The following UXS1 variants were observed in gnomAD, a reference collection of about 807,000 sequenced individuals.
UXS1 encodes UDP-glucuronic acid decarboxylase 1.
In UXS1, 33 loss-of-function variants were observed where a neutral mutation model predicts 62.6. The ratio of observed to expected loss-of-function variants is 0.53; its 90% CI spans 0.40 to 0.70. UXS1 has a LOEUF of 0.70. UXS1 is among the 30% of genes least tolerant of loss of function. The pLI is 0.00. For missense variants in UXS1, 434 were observed against 556.3 expected, an observed-to-expected ratio of 0.78 and a Z score of 2.21; for synonymous variants, 213 against 206.8, an observed-to-expected ratio of 1.03 and a Z score of -0.26.
At chr2:106,124,606 G>A (rs1323852472) in intron 8 of UXS1, among the ~76,000 whole-genome samples, 1 of 152,190 alleles carries the variant, frequency 6.6e-6, no homozygotes, top group Non-Finnish European at 1.5e-5. Flanking sequence ...AAGGAACACA[G>A]GCTCCTGTCA....
At chr2:106,174,037 G>C (rs3860451) in intron 1 of UXS1, among the ~76,000 whole-genome samples, 148,046 of 151,124 alleles carry the variant, frequency 0.98, 72,575 homozygotes, top group South Asian at 1. Context: ...CGTGAAGATG[G>C]CTGTGGGATG....
chr2:106,175,242 G>A (rs1467097230), intron 1 of UXS1, among the ~76,000 whole-genome samples: 1 of 152,222 alleles, frequency 6.6e-6, no homozygotes, highest in Admixed American at 6.5e-5. Context: ...ATTATTGGCA[G>A]AGAAAGTTCC....
chr2:106,129,826 A>T, intron 6 of UXS1, 48 bp from the exon 7 acceptor site: 4 of 1,258,414 alleles, frequency 3.2e-6, no homozygotes, highest in Non-Finnish European at 4.5e-6. Context: ...AGCACCAAAA[A>T]AATACTGACC....
intron 2 of UXS1, among the ~76,000 whole-genome samples, chr2:106,165,476 T>C (rs1317141591): frequency 1.3e-5 from 2 of 152,134 alleles, no homozygotes; most frequent in Non-Finnish European, 2.9e-5. Flanking sequence ...TACCAAATGG[T>C]TTTTACAATA....
intron 6 of UXS1, among the ~76,000 whole-genome samples, chr2:106,141,318 T>C (rs1032855361): frequency 5.9e-5 from 9 of 152,188 alleles, no homozygotes; most frequent in African/African-American, 2.2e-4. Context: ...GGGAGAACTA[T>C]AAATACCTAT....
chr2:106,093,978 A>T lies in UXS1; in HGVS notation c.*48T>A, dbSNP rs750718890. 3.3e-6 allele frequency: 5 copies of T among 1,500,244 alleles called. No individual in the cohort carries two copies. In the East Asian group the frequency reaches 1.3e-4, roughly 38 times the overall value. 92.9% of individuals were successfully genotyped at this position (1,500,244 alleles called of 1,614,324 possible). On this transcript the variant is annotated 3_prime_UTR_variant, in exon 15 of 15. Transcript: ENST00000283148. Reference sequence around the variant, plus strand: ...GACAACAAAAAAAAGCCAAAAATACATCCCATCAAGTGTACAATGGTAGTC... The same window carrying T: ...GACAACAAAAAAAAGCCAAAAATACTTCCCATCAAGTGTACAATGGTAGTC...
chr2:106,164,302 G>A (rs192086981), intron 3 of UXS1, among the ~76,000 whole-genome samples: 19 of 152,246 alleles, frequency 1.2e-4, no homozygotes, highest in Admixed American at 7.2e-4. Context: ...ATTTAAATAG[G>A]AGGTGCATAA....
At chr2:106,117,040 G>C (rs189932352) in intron 9 of UXS1, among the ~76,000 whole-genome samples, 1 of 152,230 alleles carries the variant, frequency 6.6e-6, no homozygotes, top group East Asian at 1.9e-4. Context: ...CTGTCTGCAC[G>C]CAGCTGGCAT....
chr2:106,142,553 G>A (rs1479151523), intron 6 of UXS1, among the ~76,000 whole-genome samples: 1 of 152,208 alleles, frequency 6.6e-6, no homozygotes, highest in Non-Finnish European at 1.5e-5. Context: ...CTTTCAGGTT[G>A]GCTGAGGTGT....
chr2:106,136,989 A>AAAAAAAAGT (rs1680705221), intron 6 of UXS1, among the ~76,000 whole-genome samples: 1 of 149,318 alleles, frequency 6.7e-6, no homozygotes, highest in African/African-American at 2.4e-5. Context: ...AAAAAAAAGA[A>AAAAAAAAGT]AGCCAAGTCT....
rs188370707 is a variant in UXS1, at chr2:106,167,385, T to C, written c.95-1302A>G. ...CACAAACGTCCTCCCTGTCCCGGGC[T>C]GTTAAATTTGTGAGCTTGGGAAGGC... On this transcript the variant is annotated intron_variant, in intron 1 of 14. Coordinates refer to ENST00000283148, the MANE Select transcript of UXS1 (RefSeq NM_001253875.2). 9.9e-5 allele frequency among the ~76,000 whole-genome samples: 15 copies of C among 152,282 alleles called. No individual in the cohort carries two copies. In the East Asian group the frequency reaches 2.7e-3, roughly 27 times the overall value.
rs561026747 is a variant in UXS1, at chr2:106,166,081, C to G, written c.97G>C (p.Val33Leu). ...GIALLAYVAS[V>L]WGNFVNMSFL... Reference sequence around the variant, plus strand: ...CTCATATTAACGAAGTTGCCCCAAACAGCTGTAAGAGAAAGAAAAAAGGAA... The same window carrying G: ...CTCATATTAACGAAGTTGCCCCAAAGAGCTGTAAGAGAAAGAAAAAAGGAA... Residue 33 changes from valine (V) to leucine (L), a missense_variant and splice_region_variant, in exon 2 of 15, where the codon GTT (valine) becomes CTT (leucine). By Grantham distance (32) the Val-to-Leu change is conservative. Coordinates refer to ENST00000283148, the MANE Select transcript of UXS1 (RefSeq NM_001253875.2). The G allele has an allele frequency of 6.2e-7, 1 of 1,610,778 alleles. No homozygotes were observed. Among genetic ancestry groups the G allele is most frequent in the Non-Finnish European group, 8.5e-7 (1 of 1,178,670 alleles).
intron 1 of UXS1, among the ~76,000 whole-genome samples, chr2:106,181,956 A>C (rs540338223): frequency 1.3e-5 from 2 of 152,362 alleles, no homozygotes; most frequent in Admixed American, 1.3e-4. Context: ...GCAAAAGGCA[A>C]AGGAGAAATT....
At position 106,122,910 on chromosome 2, in the gene UXS1, A is replaced by T; in HGVS notation, c.759+60T>A. ...GGCATTCATTCCTTTACAACACTTT[A>T]CATCTGAGGTCAGGGTGCTCAGCAC... is the stretch of plus-strand genomic sequence containing the variant. On this transcript the variant is annotated intron_variant, in intron 9 of 14. Transcript: ENST00000283148. 4 of 1,595,146 alleles carry T rather than the reference A, an allele frequency of 2.5e-6. No homozygotes were observed. The South Asian group carries it at 4.5e-5, about 18-fold the overall frequency.
chr2:106,099,963 T>C (rs1677458065), intron 12 of UXS1, among the ~76,000 whole-genome samples: 2 of 152,194 alleles, frequency 1.3e-5, no homozygotes, highest in South Asian at 4.1e-4. Flanking sequence ...TGGTCTGCAA[T>C]GTATTTGAGA....
At chr2:106,142,784 G>A (rs1305188951) in intron 6 of UXS1, among the ~76,000 whole-genome samples, 4 of 152,196 alleles carry the variant, frequency 2.6e-5, no homozygotes, top group African/African-American at 7.2e-5. Context: ...AAACCACAGA[G>A]GCAGAGAAGC....
chr2:106,185,271 G>A (rs1380704841), intron 1 of UXS1, among the ~76,000 whole-genome samples: 2 of 152,184 alleles, frequency 1.3e-5, no homozygotes, highest in East Asian at 3.8e-4. Flanking sequence ...ACTTTACCTT[G>A]ACTACTTTAC....
chr2:106,184,478 A>ACTACACAGTGGGTGG (rs1470191962), intron 1 of UXS1, among the ~76,000 whole-genome samples: 1 of 152,236 alleles, frequency 6.6e-6, no homozygotes, highest in Non-Finnish European at 1.5e-5. Flanking sequence ...TCACAAATAT[A>ACTACACAGTGGGTGG]CTACACAGTG....
chr2:106,166,265 C>T, intron 1 of UXS1, 182 bp from the exon 2 acceptor site: 1 of 608,878 alleles, frequency 1.6e-6, no homozygotes, highest in Non-Finnish European at 2.8e-6. Flanking sequence ...TAAGTAAAAA[C>T]AGGATCGTAG....
Sources: allele counts gnomAD v4.1 joint callset (sites outside exome capture counted in the v4.1 genomes callset), GRCh38; gene constraint gnomAD v4.1.1; transcripts MANE v1.5; gene names NCBI Gene and HGNC (gene_info 2026-07-23, HGNC 2026-07-21).